The following CDH19 variants were observed in gnomAD, a reference collection of about 807,000 sequenced individuals.
CDH19 encodes the protein cadherin 19, also known as cadherin-19.
A neutral mutation model predicts 64.2 loss-of-function variants in CDH19; 67 were observed. That is an observed-to-expected ratio of 1.04 (90% CI 0.86 to 1.28). CDH19 has a LOEUF of 1.28. Among genes scored for constraint, CDH19 ranks in the 50% most tolerant of loss-of-function variants. The pLI is 0.00. For missense variants in CDH19, 1,030 were observed against 929.0 expected (o/e 1.11, Z -1.41); for synonymous variants, 346 against 319.3 (o/e 1.08, Z -0.89).
Position 66,587,701 on chromosome 18 carries a change from G to A in CDH19, c.-112-15385C>T, listed in dbSNP as rs189640244. 8.0e-4 allele frequency among the ~76,000 whole-genome samples: 121 copies of A among 152,166 alleles called. 2 individuals carry two copies. Among genetic ancestry groups the A allele is most frequent in the Admixed American group, 2.1e-3 (32 of 15,266 alleles). On this transcript the variant is annotated intron_variant, in intron 1 of 11. Coordinates refer to ENST00000262150, the MANE Select transcript of CDH19 (RefSeq NM_021153.4). ...CCTAGTTTGGCAATCAGTAGTTGAAGGATGGTGGAGCCTCTACCAAGCCTG... is the reference window on the plus strand; with the variant it reads ...CCTAGTTTGGCAATCAGTAGTTGAAAGATGGTGGAGCCTCTACCAAGCCTG...
chr18:66,523,648 A>T (rs888544067), intron 9 of CDH19, among the ~76,000 whole-genome samples: 1 of 151,350 alleles, frequency 6.6e-6, no homozygotes, highest in Non-Finnish European at 1.5e-5. Context: ...GGCGGTTGTC[A>T]TGAGCCCAGG....
In CDH19 at chr18:66,511,688, A is replaced by G; in HGVS notation, c.1459-3T>C. 8.0e-7 allele frequency: 1 copy of G among 1,243,352 alleles called. No individual in the cohort carries two copies. Among genetic ancestry groups the G allele is most frequent in the Non-Finnish European group, 1.2e-6 (1 of 868,356 alleles). 77.0% of individuals were successfully genotyped at this position (1,243,352 alleles called of 1,614,324 possible). On this transcript the variant is annotated splice_region_variant and splice_polypyrimidine_tract_variant and intron_variant, in intron 9 of 11. Coordinates refer to ENST00000262150, the MANE Select transcript of CDH19 (RefSeq NM_021153.4). ...ACTGCACTGATAGTCTGAATTACCT[A>G]AAAAAAAAGGGGGATAGATTTTTGT...
At chr18:66,573,350 G>A (rs1988165190) in intron 1 of CDH19, among the ~76,000 whole-genome samples, 2 of 151,454 alleles carry the variant, frequency 1.3e-5, no homozygotes, top group Admixed American at 1.3e-4. Flanking sequence ...AGATTTTTTA[G>A]GTCTTTGGCT....
intron 9 of CDH19, among the ~76,000 whole-genome samples, chr18:66,519,350 T>A (rs945972044): frequency 8.5e-5 from 13 of 152,222 alleles, no homozygotes; most frequent in African/African-American, 2.9e-4. Context: ...TTGTTTTTTA[T>A]CTTTACAAAA....
chr18:66,580,459 A>G (rs980605774), intron 1 of CDH19, among the ~76,000 whole-genome samples: 9 of 152,122 alleles, frequency 5.9e-5, no homozygotes, highest in Non-Finnish European at 1.5e-5. Context: ...GCATAAAGCA[A>G]TTAGTTAAGT....
At position 66,590,970 on chromosome 18, in the gene CDH19, T is replaced by C. The variant is rs377290430; in HGVS notation, c.-113+12984A>G. Reference sequence around the variant, plus strand: ...TCCTCAAGAGGATAATCAGCAGTGATTTTTTTTATGTATTACTTTTTAAGT... The same window carrying C: ...TCCTCAAGAGGATAATCAGCAGTGACTTTTTTTATGTATTACTTTTTAAGT... On this transcript the variant is annotated intron_variant, in intron 1 of 11. Transcript: ENST00000262150. Among the ~76,000 whole-genome samples, 5 of 145,796 alleles carry C rather than the reference T, an allele frequency of 3.4e-5. 1 individual carries two copies. The South Asian group carries it at 1.1e-3, about 32-fold the overall frequency.
Position 66,544,826 on chromosome 18 carries a change from T to C in CDH19, c.853A>G (p.Ile285Val), listed in dbSNP as rs1399903865. Reference sequence around the variant, plus strand: ...TAATCCATTTCTGCATTCTCTCCTATGTCATTATCATATGCCATGATTGTT... The same window carrying C: ...TAATCCATTTCTGCATTCTCTCCTACGTCATTATCATATGCCATGATTGTT... ...IGTIMAYDND[I>V]GENAEMDYSI... The change falls in exon 6 of 12, where the codon ATA becomes GTA. Residue 285 changes from isoleucine to valine, a missense_variant. Physicochemically the swap from Ile to Val is conservative, Grantham distance 29 (BLOSUM62 3). Transcript: ENST00000262150. 1.2e-6 allele frequency: 2 copies of C among 1,612,678 alleles called. No homozygotes were observed. The highest frequency in any genetic ancestry group is 1.7e-6 in the Non-Finnish European group (2 of 1,178,896).
At position 66,505,905 on chromosome 18, in the gene CDH19, A is replaced by G. The variant is rs114209037; in HGVS notation, c.1829-603T>C. On this transcript the variant is annotated intron_variant, in intron 11 of 11. Coordinates refer to ENST00000262150, the MANE Select transcript of CDH19 (RefSeq NM_021153.4). ...AGTCATTATATTATTATATCCTATT[A>G]TAGATGAGAAAACTGAAGCACACAG... Among the ~76,000 whole-genome samples the G allele has an allele frequency of 6.6e-3, 1,008 of 152,104 alleles. 13 individuals carry two copies. The highest frequency in any genetic ancestry group is 0.023 in the African/African-American group (936 of 41,516).
At chr18:66,575,256 A>G (rs879933089) in intron 1 of CDH19, among the ~76,000 whole-genome samples, 1 of 151,728 alleles carries the variant, frequency 6.6e-6, no homozygotes, top group Non-Finnish European at 1.5e-5. Context: ...TTAAGAGTGA[A>G]AAAGTACTAA....
chr18:66,600,141 C>T (rs755214857), intron 1 of CDH19, among the ~76,000 whole-genome samples: 48 of 151,628 alleles, frequency 3.2e-4, no homozygotes, highest in Admixed American at 4.6e-4. Flanking sequence ...AATCTAAATG[C>T]GTGACTGGGA....
intron 10 of CDH19, among the ~76,000 whole-genome samples, chr18:66,510,996 G>T (rs1479903748): frequency 6.6e-6 from 1 of 151,608 alleles, no homozygotes; most frequent in Non-Finnish European, 1.5e-5. Context: ...GAAGCAGCGT[G>T]GCTTTGTATA....
chr18:66,598,787 A>C (rs71364447), intron 1 of CDH19, among the ~76,000 whole-genome samples: 1 of 152,136 alleles, frequency 6.6e-6, no homozygotes, highest in Non-Finnish European at 1.5e-5. Flanking sequence ...AGCAACATGC[A>C]ATTTACACAT....
intron 7 of CDH19, among the ~76,000 whole-genome samples, chr18:66,541,303 C>T (rs922173536): frequency 2.6e-5 from 4 of 151,958 alleles, no homozygotes; most frequent in African/African-American, 9.7e-5. Flanking sequence ...GTGTTTCTCC[C>T]ACAACAATGA....
chr18:66,600,269 T>A (rs1050408255), intron 1 of CDH19, among the ~76,000 whole-genome samples: 1 of 151,850 alleles, frequency 6.6e-6, no homozygotes, highest in African/African-American at 2.4e-5. Context: ...AAAGGGATGA[T>A]GTTTTATATA....
At chr18:66,588,243 T>C (rs563056007) in intron 1 of CDH19, among the ~76,000 whole-genome samples, 4 of 152,238 alleles carry the variant, frequency 2.6e-5, no homozygotes, top group South Asian at 4.1e-4. Context: ...GCACCCTGTC[T>C]AGGGTTGGTT....
intron 9 of CDH19, among the ~76,000 whole-genome samples, chr18:66,513,377 C>T (rs951470851): frequency 6.6e-6 from 1 of 151,458 alleles, no homozygotes; most frequent in African/African-American, 2.4e-5. Flanking sequence ...CATGTCTCCA[C>T]TTATATTTGC....
intron 1 of CDH19, among the ~76,000 whole-genome samples, chr18:66,581,808 C>G (rs1988429180): frequency 6.6e-6 from 1 of 152,022 alleles, no homozygotes; most frequent in Non-Finnish European, 1.5e-5. Flanking sequence ...TGGGACTTCA[C>G]CTTGTATCCG....
intron 9 of CDH19, among the ~76,000 whole-genome samples, chr18:66,520,133 C>T (rs1032401096): frequency 1.3e-5 from 2 of 151,976 alleles, no homozygotes; most frequent in African/African-American, 4.8e-5. Context: ...TGCAGTGAGC[C>T]GAGATTGCAC....
chr18:66,568,708 T>C lies in CDH19; in HGVS notation c.198A>G (p.Leu66=), dbSNP rs1988002100. The C allele has an allele frequency of 4.4e-6, 7 of 1,592,320 alleles. No homozygotes were observed. The highest frequency in any genetic ancestry group is 5.1e-6 in the Non-Finnish European group (6 of 1,171,424). The change falls in exon 3 of 12, where the codon CTA becomes CTG. Residue 66 remains leucine, a splice_region_variant and synonymous_variant. Transcript: ENST00000262150. ...TGTTTCCATTGTCTAAATCAGATCT[T>C]AGCTGCAAATGGAAAGAGGGATCAT... ...MNTTSHHIGQ[L]RSDLDNGNNS... is the part of the protein sequence containing the mutation.
Sources: allele counts gnomAD v4.1 joint callset (sites outside exome capture counted in the v4.1 genomes callset), GRCh38; gene constraint gnomAD v4.1.1; transcripts MANE v1.5; gene names NCBI Gene and HGNC (gene_info 2026-07-23, HGNC 2026-07-21).